The following SH3RF3 variants were observed in gnomAD, a reference collection of about 807,000 sequenced individuals.
SH3RF3 encodes SH3 domain containing ring finger 3.
Under a neutral mutation model 66.3 loss-of-function variants are expected in SH3RF3, and 29 were observed. That is an observed-to-expected ratio of 0.44 (90% confidence interval 0.33 to 0.60). The LOEUF is 0.60. Among genes scored for constraint, SH3RF3 ranks in the 20% least tolerant of loss-of-function variants. The probability of loss-of-function intolerance (pLI) is 0.04; values close to 1 mark genes in which losing one functional copy is unlikely to be tolerated. For missense variants in SH3RF3, 1,194 were observed against 1,190.9 expected (o/e 1.00, Z -0.04); for synonymous variants, 583 against 532.0 (o/e 1.10, Z -1.32).
intron 8 of SH3RF3, among the ~76,000 whole-genome samples, chr2:109,486,790 G>C (rs1044914752): frequency 6.6e-6 from 1 of 152,198 alleles, no homozygotes; most frequent in Non-Finnish European, 1.5e-5. Context: ...TTCCAGAAGA[G>C]AGACATCCCA....
chr2:109,429,616 C>A (rs955546542), intron 5 of SH3RF3, among the ~76,000 whole-genome samples: 1 of 152,124 alleles, frequency 6.6e-6, no homozygotes, highest in African/African-American at 2.4e-5. Flanking sequence ...GCAACTGCAG[C>A]TCTCATCTTG....
intron 1 of SH3RF3, among the ~76,000 whole-genome samples, chr2:109,336,171 GA>G (rs1278404390): frequency 1.3e-5 from 2 of 152,194 alleles, no homozygotes; most frequent in Non-Finnish European, 2.9e-5. Context: ...ACTACTCTGG[GA>G]AGTTCAAAAA....
At chr2:109,475,788 C>T (rs180695501) in intron 8 of SH3RF3, among the ~76,000 whole-genome samples, 256 of 152,340 alleles carry the variant, frequency 1.7e-3, no homozygotes, top group Non-Finnish European at 2.1e-3. Context: ...GGTTGAATTC[C>T]TGGTTCCTCT....
intron 1 of SH3RF3, among the ~76,000 whole-genome samples, chr2:109,313,024 C>G (rs941058059): frequency 2.0e-5 from 3 of 152,250 alleles, no homozygotes; most frequent in African/African-American, 7.2e-5. Context: ...GACAGGTGGG[C>G]AAATCTGCAG....
At chr2:109,455,239 G>A (rs1289854767) in intron 8 of SH3RF3, among the ~76,000 whole-genome samples, 2 of 152,158 alleles carry the variant, frequency 1.3e-5, no homozygotes, top group Non-Finnish European at 2.9e-5. Context: ...CGGCTGGCAG[G>A]AGACCATGAG....
At chr2:109,327,951 G>A (rs1443032845) in intron 1 of SH3RF3, among the ~76,000 whole-genome samples, 1 of 152,196 alleles carries the variant, frequency 6.6e-6, no homozygotes, top group Non-Finnish European at 1.5e-5. Context: ...CTAGGACAAT[G>A]ACCCTGTGTC....
chr2:109,449,593 TGG>T, intron 8 of SH3RF3, 104 bp downstream of exon 8: 1 of 1,404,624 alleles, frequency 7.1e-7, no homozygotes, highest in Non-Finnish European at 9.6e-7. Context: ...AGCTAGAATG[TGG>T]GCTCCAAGTG....
intron 1 of SH3RF3, among the ~76,000 whole-genome samples, chr2:109,275,226 G>A (rs995797810): frequency 2.0e-4 from 30 of 152,166 alleles, no homozygotes; most frequent in Admixed American, 1.8e-3. Context: ...GTGAGGCCCC[G>A]CAGAGGCTGC....
intron 1 of SH3RF3, among the ~76,000 whole-genome samples, chr2:109,198,318 A>G (rs777532122): frequency 1.3e-5 from 2 of 152,198 alleles, no homozygotes; most frequent in African/African-American, 4.8e-5. Flanking sequence ...CCTGAGGAAT[A>G]AATTATCAAC....
chr2:109,360,769 G>C (rs573571898), intron 2 of SH3RF3, among the ~76,000 whole-genome samples: 73 of 152,234 alleles, frequency 4.8e-4, no homozygotes, highest in Middle Eastern at 3.4e-3. Context: ...GTAAACAAAG[G>C]CAGTTTTATT....
At chr2:109,188,149 C>T (rs575659146) in intron 1 of SH3RF3, among the ~76,000 whole-genome samples, 6 of 152,360 alleles carry the variant, frequency 3.9e-5, no homozygotes, top group Non-Finnish European at 8.8e-5. Flanking sequence ...ATATGACTTA[C>T]AGCAGTGTAT....
chr2:109,143,925 T>C (rs554624491), intron 1 of SH3RF3, among the ~76,000 whole-genome samples: 9 of 152,206 alleles, frequency 5.9e-5, no homozygotes, highest in African/African-American at 1.9e-4. Context: ...GAGGACGTTA[T>C]GCGAAGTGAA....
intron 8 of SH3RF3, among the ~76,000 whole-genome samples, chr2:109,481,733 C>T (rs961145666): frequency 1.4e-4 from 21 of 152,262 alleles, no homozygotes; most frequent in African/African-American, 3.6e-4. Flanking sequence ...TAAGTGCAGA[C>T]GCTGTGCTGT....
intron 1 of SH3RF3, among the ~76,000 whole-genome samples, chr2:109,250,111 A>G (rs1341937197): frequency 6.9e-6 from 1 of 145,558 alleles, no homozygotes; most frequent in Non-Finnish European, 1.5e-5. Flanking sequence ...TTTTTGTCTA[A>G]TTAGAATTCT....
chr2:109,349,947 C>A (rs539376869), intron 2 of SH3RF3, among the ~76,000 whole-genome samples: 1 of 152,236 alleles, frequency 6.6e-6, no homozygotes, highest in African/African-American at 2.4e-5. Context: ...GACTCTGTGT[C>A]GGGTACTAGA....
In SH3RF3 at chr2:109,498,680, C is replaced by T. The variant is rs534961022; in HGVS notation, c.2481-2823C>T. Among the ~76,000 whole-genome samples, 34 of 152,274 alleles carry T rather than the reference C, an allele frequency of 2.2e-4. No individual in the cohort carries two copies. In the South Asian group the frequency reaches 2.3e-3, roughly 10 times the overall value. ...TAGTATCAAGTAGGTCCAGGATGGG[C>T]CCAGGGAACTGTGGGGGGTCCTGAA... On this transcript the variant is annotated intron_variant, in intron 9 of 9. Transcript: ENST00000309415.
intron 1 of SH3RF3, among the ~76,000 whole-genome samples, chr2:109,272,954 G>A (rs1251269994): frequency 3.3e-5 from 5 of 152,124 alleles, no homozygotes; most frequent in Admixed American, 1.3e-4. Flanking sequence ...CAAAGGACCC[G>A]TATTTTTTCC....
At chr2:109,318,727 C>T (rs939903278) in intron 1 of SH3RF3, among the ~76,000 whole-genome samples, 8 of 152,102 alleles carry the variant, frequency 5.3e-5, no homozygotes, top group African/African-American at 1.2e-4. Flanking sequence ...CCTGGCCAGC[C>T]GCCAGATACT....
intron 1 of SH3RF3, among the ~76,000 whole-genome samples, chr2:109,284,700 C>G (rs1329182630): frequency 1.3e-5 from 2 of 152,208 alleles, no homozygotes; most frequent in Non-Finnish European, 2.9e-5. Context: ...CCTTCCCAGT[C>G]TAGGCCAGGC....
Sources: gnomAD v4.1 joint callset for allele counts (sites outside exome capture counted in the v4.1 genomes callset) on GRCh38, gnomAD v4.1.1 for gene constraint, MANE v1.5 for transcripts, NCBI Gene and HGNC (gene_info 2026-07-23, HGNC 2026-07-21) for gene names.